Variants in KDM4C observed in about 807,000 individuals in gnomAD.
KDM4C encodes the protein lysine-specific demethylase 4C.
A neutral mutation model predicts 129.3 loss-of-function variants in KDM4C; 81 were observed. The ratio of observed to expected loss-of-function variants is 0.63; its 90% confidence interval spans 0.52 to 0.75. KDM4C has a LOEUF of 0.75. KDM4C is among the 30% of genes least tolerant of loss of function. The pLI is 0.00. For synonymous variants in KDM4C, 573 were observed against 456.1 expected (o/e 1.26, Z -3.26); for missense variants, 1,457 against 1,304.0 (o/e 1.12, Z -1.81).
At chr9:7,142,280 CCT>C (rs1297239958) in intron 19 of KDM4C, among the ~76,000 whole-genome samples, 3 of 152,088 alleles carry the variant, frequency 2.0e-5, no homozygotes, top group Non-Finnish European at 2.9e-5. Flanking sequence ...TTTTAATCCC[CCT>C]GTTTCCTTTT....
intron 12 of KDM4C, among the ~76,000 whole-genome samples, chr9:7,009,764 A>T (rs913627823): frequency 4.6e-5 from 7 of 152,190 alleles, no homozygotes; most frequent in Non-Finnish European, 1.0e-4. Context: ...ATATTTTGAG[A>T]ACTGTGGTTA....
chr9:7,024,302 A>G (rs1335831759), intron 15 of KDM4C, among the ~76,000 whole-genome samples: 1 of 103,486 alleles, frequency 9.7e-6, no homozygotes, highest in African/African-American at 3.7e-5. Flanking sequence ...TTTTTTTTTT[A>G]ATTTTCTTTT....
chr9:6,848,679 A>G lies in KDM4C; in HGVS notation c.436-828A>G, dbSNP rs555450902. The stretch of plus-strand genomic sequence containing the variant: ...GTGAGACTGTCTCAGGGGAAAAAAA[A>G]AAAATGATTGTTAAGTTCTAATCAA... On this transcript the variant is annotated intron_variant, in intron 4 of 21. Coordinates refer to ENST00000381309, the MANE Select transcript of KDM4C (RefSeq NM_015061.6). Among the ~76,000 whole-genome samples, 12 of 152,232 alleles carry G rather than the reference A, an allele frequency of 7.9e-5. No homozygotes were observed. In the East Asian group the frequency reaches 2.3e-3, roughly 29 times the overall value.
chr9:7,060,544 C>T (rs539893881), intron 17 of KDM4C, among the ~76,000 whole-genome samples: 35 of 151,012 alleles, frequency 2.3e-4, no homozygotes, highest in African/African-American at 7.8e-4. Flanking sequence ...TGCAGTGGTG[C>T]GATCTCGGTT....
At chr9:6,740,464 A>C (rs527726961) in intron 1 of KDM4C, among the ~76,000 whole-genome samples, 34 of 151,896 alleles carry the variant, frequency 2.2e-4, no homozygotes, top group African/African-American at 7.5e-4. Flanking sequence ...CGGCCTCCCA[A>C]AGTGCTGGGA....
chr9:6,721,696 C>A (rs945593017), intron 1 of KDM4C, among the ~76,000 whole-genome samples: 2 of 151,586 alleles, frequency 1.3e-5, no homozygotes, highest in African/African-American at 4.8e-5. Context: ...TCAAGCAATT[C>A]TCCTGCCTCA....
chr9:7,050,390 C>T (rs1829976659), intron 17 of KDM4C, among the ~76,000 whole-genome samples: 1 of 132,316 alleles, frequency 7.6e-6, no homozygotes, highest in Non-Finnish European at 1.5e-5. Flanking sequence ...GAGTATAATT[C>T]TTCAGCTCCT....
Position 6,986,416 on chromosome 9 carries a change from G to T in KDM4C, c.1427G>T (p.Ser476Ile). ...TEDDKAYAYR[S>I]VPSISSEADD... ...GATGACAAAGCTTATGCATATAGAAGTGTACCTTCTATATCCAGTGAGGCT... is the reference window on the plus strand; with the variant it reads ...GATGACAAAGCTTATGCATATAGAATTGTACCTTCTATATCCAGTGAGGCT... Residue 476 changes from serine to isoleucine, a missense_variant, in exon 11 of 22, where the codon AGT (serine) becomes ATT (isoleucine). Coordinates refer to ENST00000381309, the MANE Select transcript of KDM4C (RefSeq NM_015061.6). 1 of 1,613,978 alleles carries T rather than the reference G, an allele frequency of 6.2e-7. No individual in the cohort carries two copies. The highest frequency in any genetic ancestry group is 8.5e-7 in the Non-Finnish European group (1 of 1,179,866).
intron 1 of KDM4C, among the ~76,000 whole-genome samples, chr9:6,772,786 G>A (rs1397618831): frequency 1.4e-5 from 2 of 144,988 alleles, no homozygotes; most frequent in South Asian, 2.3e-4. Flanking sequence ...TCTGCCCCCC[G>A]GATTCAAGCA....
intron 17 of KDM4C, among the ~76,000 whole-genome samples, chr9:7,078,359 C>T (rs1032815312): frequency 6.6e-6 from 1 of 151,282 alleles, no homozygotes; most frequent in East Asian, 1.9e-4. Context: ...GACATGGACA[C>T]AGCTTTTAGC....
chr9:6,844,608 G>A (rs10975848), intron 4 of KDM4C, among the ~76,000 whole-genome samples: 13,657 of 152,200 alleles, frequency 0.09, 831 homozygotes, highest in East Asian at 0.26. Context: ...TGCTTTTGGG[G>A]GTGCCTGTCA....
intron 19 of KDM4C, among the ~76,000 whole-genome samples, chr9:7,150,018 A>G (rs1287521220): frequency 1.3e-5 from 2 of 152,212 alleles, no homozygotes; most frequent in African/African-American, 4.8e-5. Context: ...GAGTGGGATC[A>G]TTCCAGAATA....
intron 17 of KDM4C, among the ~76,000 whole-genome samples, chr9:7,089,662 C>T (rs541170243): frequency 6.6e-6 from 1 of 152,278 alleles, no homozygotes; most frequent in South Asian, 2.1e-4. Context: ...ATAACCTTTC[C>T]AGTCCAAGTT....
At chr9:7,151,210 T>C (rs572588972) in intron 19 of KDM4C, among the ~76,000 whole-genome samples, 1 of 152,210 alleles carries the variant, frequency 6.6e-6, no homozygotes, top group East Asian at 1.9e-4. Context: ...GTTTTAGTGC[T>C]TTTATTTTTG....
intron 9 of KDM4C, chr9:6,982,909 A>G (rs1233369682): frequency 6.6e-6 from 1 of 152,244 alleles, no homozygotes; most frequent in East Asian, 1.9e-4. Context: ...CTTGTTTAAT[A>G]TGCTCAGCCT....
Position 6,814,725 on chromosome 9 carries a change from A to C in KDM4C, c.415A>C (p.Asn139His). Residue 139 changes from asparagine (N) to histidine (H), a missense_variant, in exon 4 of 22, where the codon AAT becomes CAT. By Grantham distance (68) the Asn-to-His change is moderately conservative. Transcript: ENST00000381309. Reference protein sequence around the residue: ...FVAPIYGADINGSIYDEGVDE... With the variant: ...FVAPIYGADIHGSIYDEGVDE... ...GGCACCTATCTATGGTGCAGATATT[A>C]ATGGGAGCATATATGATGAGGTACA... The C allele has an allele frequency of 6.2e-7, 1 of 1,601,238 alleles. No homozygotes were observed. Among genetic ancestry groups the C allele is most frequent in the South Asian group, 1.1e-5 (1 of 90,344 alleles).
At chr9:7,041,111 G>C (rs539231637) in intron 15 of KDM4C, among the ~76,000 whole-genome samples, 35 of 151,578 alleles carry the variant, frequency 2.3e-4, no homozygotes, top group African/African-American at 8.2e-4. Flanking sequence ...TGTATCCATG[G>C]GTGGATATGT....
intron 19 of KDM4C, among the ~76,000 whole-genome samples, chr9:7,135,725 A>G (rs1454440759): frequency 6.6e-6 from 1 of 152,144 alleles, no homozygotes; most frequent in Non-Finnish European, 1.5e-5. Flanking sequence ...TGGAAAGACT[A>G]AGAAAAAAGC....
At position 6,790,011 on chromosome 9, in the gene KDM4C, C is replaced by T. The variant is rs542749060; in HGVS notation, c.-17-2961C>T. ...TTTCTAGGCTGGGTGCGGTGGCTCACGCCTGTAATCCCAGCACTTTGGGAG... is the reference window on the plus strand; with the variant it reads ...TTTCTAGGCTGGGTGCGGTGGCTCATGCCTGTAATCCCAGCACTTTGGGAG... On this transcript the variant is annotated intron_variant, in intron 1 of 21. Coordinates refer to ENST00000381309, the MANE Select transcript of KDM4C (RefSeq NM_015061.6). 1.2e-3 allele frequency among the ~76,000 whole-genome samples: 173 copies of T among 147,350 alleles called. No individual in the cohort carries two copies. The Middle Eastern group carries it at 0.017, about 15-fold the overall frequency.
Sources: allele counts gnomAD v4.1 joint callset (sites outside exome capture counted in the v4.1 genomes callset), GRCh38; gene constraint gnomAD v4.1.1; transcripts MANE v1.5; gene names NCBI Gene and HGNC (gene_info 2026-07-23, HGNC 2026-07-21).